Variants in ARFGEF1 observed in about 807,000 individuals in gnomAD.
ARFGEF1 encodes the protein ARF guanine nucleotide exchange factor 1.
Under a neutral mutation model 231.0 loss-of-function variants are expected in ARFGEF1, and 42 were observed. The ratio of observed to expected loss-of-function variants is 0.18; its 90% CI spans 0.14 to 0.24. The LOEUF is 0.24. Ranked by LOEUF, ARFGEF1 falls within the 10% of genes least tolerant of loss-of-function variation. The pLI is 1.00. For missense variants in ARFGEF1, 1,345 were observed against 2,192.0 expected, an observed-to-expected ratio of 0.61 and a Z score of 7.72; for synonymous variants, 710 against 732.3, an observed-to-expected ratio of 0.97 and a Z score of 0.49.
chr8:67,297,547 T>C (rs1288286612), intron 4 of ARFGEF1, among the ~76,000 whole-genome samples: 1 of 152,162 alleles, frequency 6.6e-6, no homozygotes, highest in Non-Finnish European at 1.5e-5. Context: ...GCCACAGCAC[T>C]TAGCCTGGGC....
chr8:67,339,856 A>AAAATT lies in ARFGEF1; in HGVS notation c.124+3303_124+3307dup, dbSNP rs553974288. Among the ~76,000 whole-genome samples the AAAATT allele has an allele frequency of 3.3e-3, 478 of 143,082 alleles. 2 individuals are homozygous for AAAATT. Among genetic ancestry groups the AAAATT allele is most frequent in the Middle Eastern group, 0.012 (3 of 260 alleles). The allele number at this position is 143,082 out of a possible 152,430, so 93.9% of individuals were successfully genotyped here. On this transcript the variant is annotated intron_variant, in intron 1 of 38. Coordinates refer to ENST00000262215, the MANE Select transcript of ARFGEF1 (RefSeq NM_006421.5). The stretch of plus-strand genomic sequence containing the variant: ...ACTTCAAAATGAAGTCTGACATAAG[A>AAAATT]AAATTTGAAAAACGTTTTACATTAA...
At chr8:67,207,275 G>A (rs573098017) in intron 34 of ARFGEF1, 2 of 152,298 alleles carry the variant, frequency 1.3e-5, no homozygotes, top group South Asian at 4.1e-4. Flanking sequence ...GCAGTAGATG[G>A]AGGTCTTAGG....
intron 38 of ARFGEF1, 108 bp from the exon 39 acceptor site, chr8:67,199,206 G>A: frequency 7.4e-7 from 1 of 1,356,034 alleles, no homozygotes; most frequent in Non-Finnish European, 1.0e-6. Flanking sequence ...CAGGAAAGCA[G>A]GGTCCACAGC....
At chr8:67,335,783 GTC>G (rs1808318680) in intron 1 of ARFGEF1, among the ~76,000 whole-genome samples, 1 of 150,044 alleles carries the variant, frequency 6.7e-6, no homozygotes, top group Admixed American at 6.7e-5. Context: ...CTCTCGCACT[GTC>G]TCTCGGGCTG....
intron 1 of ARFGEF1, among the ~76,000 whole-genome samples, chr8:67,339,795 C>CGGGGGGGGAG (rs1554652754): frequency 2.1e-4 from 3 of 14,274 alleles, no homozygotes; most frequent in African/African-American, 9.9e-4. Flanking sequence ...CAGTGTGGGG[C>CGGGGGGGGAG]GGGGGGGGGG....
intron 10 of ARFGEF1, among the ~76,000 whole-genome samples, chr8:67,269,986 T>C (rs1370481788): frequency 2.6e-5 from 4 of 152,160 alleles, no homozygotes; most frequent in African/African-American, 9.6e-5. Context: ...AATCTCAGTG[T>C]CCAAAAAAAT....
chr8:67,277,348 T>C lies in ARFGEF1; in HGVS notation c.1137A>G (p.Pro379=), dbSNP rs767508840. The change falls in exon 8 of 39, where the codon CCA becomes CCG. Residue 379 remains proline, a synonymous_variant. Coordinates refer to ENST00000262215, the MANE Select transcript of ARFGEF1 (RefSeq NM_006421.5). The stretch of plus-strand genomic sequence containing the variant: ...AGGATGGTGTATATGCAACAGAAAT[T>C]GGTGTTCCTGGAATTCCATTTGCTT... ...NIQANGIPGT[P]ISVAYTPSLP... 1 of 1,613,750 alleles carries C rather than the reference T, an allele frequency of 6.2e-7. No individual in the cohort carries two copies. The highest frequency in any genetic ancestry group is 8.5e-7 in the Non-Finnish European group (1 of 1,179,802).
downstream of ARFGEF1, chr8:67,195,920 T>TA (rs1194580032): frequency 4.7e-6 from 1 of 210,538 alleles, no homozygotes; most frequent in Non-Finnish European, 9.6e-6. Flanking sequence ...AAACGTCCTG[T>TA]AAAACCGGAC....
At chr8:67,190,556 A>T (rs1290569342) in intron 5 of ARFGEF1, 1 of 890,672 alleles carries the variant, frequency 1.1e-6, no homozygotes. Context: ...TGGTATTGTA[A>T]GCAAAATCTT....
downstream of ARFGEF1, among the ~76,000 whole-genome samples, chr8:67,196,692 C>CTGTT (rs1450626545): frequency 6.6e-6 from 1 of 152,108 alleles, no homozygotes; most frequent in East Asian, 1.9e-4. Context: ...AAAATTTGTT[C>CTGTT]TGTTGTCATC....
chr8:67,298,644 G>A (rs926907511), intron 4 of ARFGEF1, among the ~76,000 whole-genome samples: 12 of 152,150 alleles, frequency 7.9e-5, no homozygotes, highest in African/African-American at 2.7e-4. Flanking sequence ...GAAGACTCTA[G>A]GGACTAAGTC....
At chr8:67,264,499 T>C (rs1258901538) in intron 14 of ARFGEF1, among the ~76,000 whole-genome samples, 4 of 152,014 alleles carry the variant, frequency 2.6e-5, no homozygotes, top group East Asian at 1.9e-4. Context: ...TTGTTTTGGG[T>C]AGGAGAACTA....
At chr8:67,238,563 G>A in intron 21 of ARFGEF1, 70 bp from the exon 22 acceptor site, 1 of 1,484,696 alleles carries the variant, frequency 6.7e-7, no homozygotes, top group Non-Finnish European at 9.1e-7. Context: ...TTAAATATAT[G>A]CAGCCAGGAC....
At position 67,200,379 on chromosome 8, in the gene ARFGEF1, C is replaced by T. The variant is rs375231662; in HGVS notation, c.5385+17G>A. On this transcript the variant is annotated intron_variant, in intron 38 of 38. Coordinates refer to ENST00000262215, the MANE Select transcript of ARFGEF1 (RefSeq NM_006421.5). The stretch of plus-strand genomic sequence containing the variant: ...TGGGCTAGAAATGTGGGGCTGGATT[C>T]GAAGCCTCATACTTACCCTATTATC... 6.6e-6 allele frequency: 10 copies of T among 1,506,834 alleles called. No individual in the cohort carries two copies. Among genetic ancestry groups the T allele is most frequent in the East Asian group, 2.3e-5 (1 of 44,300 alleles). The allele number at this position is 1,506,834 out of a possible 1,614,324, so 93.3% of individuals were successfully genotyped here.
rs752446276 is a variant in ARFGEF1, at chr8:67,217,846, G to A, written c.4549C>T (p.Leu1517=). ...VVILNGEKFT[L]EIWDKTCNCT... is the part of the protein sequence containing the mutation. ...TTGCAAGTTTTATCCCAGATTTCTA[G>A]GGTAAATTTTTCACCATTCAGAATA... Residue 1517 remains leucine, a synonymous_variant, in exon 32 of 39, where the codon CTA becomes TTA. Coordinates refer to ENST00000262215, the MANE Select transcript of ARFGEF1 (RefSeq NM_006421.5). 6.2e-7 allele frequency: 1 copy of A among 1,613,994 alleles called. No homozygotes were observed. The highest frequency in any genetic ancestry group is 1.1e-5 in the South Asian group (1 of 91,078).
At chr8:67,271,994 AG>A in intron 9 of ARFGEF1, 58 bp from the exon 10 acceptor site, 1 of 1,027,850 alleles carries the variant, frequency 9.7e-7, no homozygotes. Flanking sequence ...TAGTAATAAC[AG>A]GTTGTTCCAA....
At chr8:67,270,370 T>C (rs1209374769) in intron 10 of ARFGEF1, among the ~76,000 whole-genome samples, 2 of 152,300 alleles carry the variant, frequency 1.3e-5, no homozygotes, top group East Asian at 1.9e-4. Context: ...TTGATAGCTA[T>C]TACAGAACAT....
At chr8:67,212,405 G>C (rs1339967550) in intron 33 of ARFGEF1, among the ~76,000 whole-genome samples, 1 of 152,160 alleles carries the variant, frequency 6.6e-6, no homozygotes, top group Non-Finnish European at 1.5e-5. Flanking sequence ...ATTATTAAGA[G>C]TGTAACCTTG....
At chr8:67,271,660 G>A (rs752352997) in intron 10 of ARFGEF1, 42 bp downstream of exon 10, 2 of 1,356,972 alleles carry the variant, frequency 1.5e-6, no homozygotes, top group Non-Finnish European at 2.1e-6. Flanking sequence ...TGAAACAAAT[G>A]AAATATCCAA....
Sources: gnomAD v4.1 joint callset for allele counts (sites outside exome capture counted in the v4.1 genomes callset) on GRCh38, gnomAD v4.1.1 for gene constraint, MANE v1.5 for transcripts, NCBI Gene and HGNC (gene_info 2026-07-23, HGNC 2026-07-21) for gene names.